RAD51C: variants seen among roughly 807,000 people sequenced by gnomAD.
The protein encoded by RAD51C is RAD51 paralog C.
In RAD51C, 42 loss-of-function variants were observed where a neutral mutation model predicts 45.0. The ratio of observed to expected loss-of-function variants is 0.93; its 90% confidence interval spans 0.73 to 1.21. RAD51C has a LOEUF of 1.21. Among genes scored for constraint, RAD51C ranks in the 50% most tolerant of loss-of-function variants. RAD51C has a pLI of 0.00. For missense variants in RAD51C, 474 were observed against 452.2 expected, an observed-to-expected ratio of 1.05 and a Z score of -0.44; for synonymous variants, 172 against 159.8, an observed-to-expected ratio of 1.08 and a Z score of -0.58.
intron 3 of RAD51C, among the ~76,000 whole-genome samples, chr17:58,698,222 G>A (rs1282938190): frequency 6.9e-5 from 9 of 130,514 alleles, no homozygotes; most frequent in South Asian, 2.4e-4. Flanking sequence ...TCACTCTGTC[G>A]CCCAGGCTAG....
intron 7 of RAD51C, among the ~76,000 whole-genome samples, chr17:58,731,484 C>G (rs1028460470): frequency 6.6e-6 from 1 of 152,156 alleles, no homozygotes; most frequent in Non-Finnish European, 1.5e-5. Flanking sequence ...GTCTCGAACT[C>G]CCGACCTCAG....
intron 5 of RAD51C, among the ~76,000 whole-genome samples, chr17:58,720,536 T>C (rs1034547007): frequency 2.3e-4 from 35 of 152,144 alleles, no homozygotes; most frequent in African/African-American, 2.4e-5. Context: ...AGTGGCACGC[T>C]CTTGGCTCAC....
intron 3 of RAD51C, among the ~76,000 whole-genome samples, chr17:58,698,958 T>C (rs1461075721): frequency 1.3e-5 from 2 of 151,872 alleles, no homozygotes; most frequent in Non-Finnish European, 2.9e-5. Flanking sequence ...CAAGTTCTTA[T>C]TCTTTCAATT....
intron 5 of RAD51C, among the ~76,000 whole-genome samples, chr17:58,719,631 A>G (rs1041141424): frequency 6.6e-6 from 1 of 152,146 alleles, no homozygotes; most frequent in Non-Finnish European, 1.5e-5. Context: ...CCTGGGCAAC[A>G]TAGCAAGACC....
intron 5 of RAD51C, among the ~76,000 whole-genome samples, chr17:58,715,128 A>AT (rs1391134522): frequency 6.8e-6 from 1 of 147,140 alleles, no homozygotes; most frequent in Non-Finnish European, 1.5e-5. Flanking sequence ...GTTCCAGATT[A>AT]TTAAAAAAAA....
chr17:58,712,712 C>T (rs1386460063), intron 5 of RAD51C, among the ~76,000 whole-genome samples: 6 of 151,960 alleles, frequency 3.9e-5, no homozygotes, highest in South Asian at 2.1e-4. Flanking sequence ...TTCAGCTACT[C>T]GGGAGGCTGA....
intron 5 of RAD51C, among the ~76,000 whole-genome samples, chr17:58,712,823 A>G (rs1489540236): frequency 6.9e-6 from 1 of 145,594 alleles, no homozygotes; most frequent in Non-Finnish European, 1.5e-5. Flanking sequence ...CGTCTCAAAA[A>G]AAAAAGAAAA....
At chr17:58,707,478 C>T (rs1370741980) in intron 4 of RAD51C, among the ~76,000 whole-genome samples, 17 of 151,070 alleles carry the variant, frequency 1.1e-4, no homozygotes, top group Non-Finnish European at 2.4e-4. Flanking sequence ...GCCAAGAACG[C>T]ACCACTGCAC....
At chr17:58,712,776 G>A (rs1333583673) in intron 5 of RAD51C, among the ~76,000 whole-genome samples, 3 of 151,038 alleles carry the variant, frequency 2.0e-5, no homozygotes, top group Non-Finnish European at 4.4e-5. Context: ...GCTGAGATAC[G>A]CCACTGCACT....
At chr17:58,698,698 G>GACCCCC (rs2048105932) in intron 3 of RAD51C, among the ~76,000 whole-genome samples, 3 of 151,412 alleles carry the variant, frequency 2.0e-5, no homozygotes, top group Non-Finnish European at 4.4e-5. Context: ...CCAGCACTTT[G>GACCCCC]GGAGGCCGAG....
chr17:58,715,566 CT>C (rs565425946), intron 5 of RAD51C, among the ~76,000 whole-genome samples: 14 of 150,990 alleles, frequency 9.3e-5, no homozygotes, highest in Admixed American at 2.0e-4. Flanking sequence ...TTTGTCTTTT[CT>C]GGACATTTTA....
chr17:58,692,792 AC>A lies in RAD51C; in HGVS notation c.145+5del. On this transcript the variant is annotated splice_donor_5th_base_variant and intron_variant, in intron 1 of 8. Coordinates refer to ENST00000337432, the MANE Select transcript of RAD51C (RefSeq NM_058216.3). ...AAACCCTCCGAGCTTAGCAAAGGTAACGACTCCTGATGGCAAGCTGAGGCAC... is the reference window on the plus strand; with the variant it reads ...AAACCCTCCGAGCTTAGCAAAGGTAAGACTCCTGATGGCAAGCTGAGGCAC... The A allele has an allele frequency of 1.9e-6, 3 of 1,614,166 alleles. No individual in the cohort carries two copies. The highest frequency in any genetic ancestry group is 2.5e-6 in the Non-Finnish European group (3 of 1,180,018).
chr17:58,720,606 G>A (rs1433057116), intron 5 of RAD51C, 140 bp from the exon 6 acceptor site: 7 of 643,098 alleles, frequency 1.1e-5, no homozygotes. Flanking sequence ...CGGAGTAGCT[G>A]GGATTACAGG....
chr17:58,713,275 C>T (rs1276481091), intron 5 of RAD51C, among the ~76,000 whole-genome samples: 1 of 152,086 alleles, frequency 6.6e-6, no homozygotes, highest in Non-Finnish European at 1.5e-5. Flanking sequence ...CTGCTTTACA[C>T]TAACAGCTGC....
chr17:58,725,453 A>G (rs2049084662), intron 7 of RAD51C, among the ~76,000 whole-genome samples: 1 of 152,198 alleles, frequency 6.6e-6, no homozygotes, highest in Non-Finnish European at 1.5e-5. Context: ...CTGAGTTAGT[A>G]TACAGTAGTC....
intron 3 of RAD51C, among the ~76,000 whole-genome samples, chr17:58,701,841 G>C (rs1344120462): frequency 6.6e-6 from 1 of 151,928 alleles, no homozygotes; most frequent in Non-Finnish European, 1.5e-5. Flanking sequence ...GTGATTACAA[G>C]TGTGAGCCAC....
At chr17:58,703,076 T>TTAA in intron 3 of RAD51C, 120 bp from the exon 4 acceptor site, 1 of 1,103,952 alleles carries the variant, frequency 9.1e-7, no homozygotes, top group Non-Finnish European at 1.3e-6. Flanking sequence ...TTTGTCATCT[T>TTAA]TCAGTTAAAG....
At chr17:58,694,650 T>C in intron 1 of RAD51C, 1 of 390,352 alleles carries the variant, frequency 2.6e-6, no homozygotes, top group Non-Finnish European at 4.9e-6. Context: ...AATTTTTGTA[T>C]TTTTAGTAGA....
At chr17:58,725,600 T>C (rs2049090247) in intron 7 of RAD51C, among the ~76,000 whole-genome samples, 1 of 152,158 alleles carries the variant, frequency 6.6e-6, no homozygotes, top group African/African-American at 2.4e-5. Context: ...TTCTAGAAGT[T>C]AGCATTGATA....
Sources: gnomAD v4.1 joint callset for allele counts (sites outside exome capture counted in the v4.1 genomes callset) on GRCh38, gnomAD v4.1.1 for gene constraint, MANE v1.5 for transcripts, NCBI Gene and HGNC (gene_info 2026-07-23, HGNC 2026-07-21) for gene names.